The following MAML3 variants were observed in gnomAD, a reference collection of about 807,000 sequenced individuals.
MAML3 encodes mastermind-like protein 3.
MAML3 carries 27 observed loss-of-function variants against 101.9 expected under a neutral mutation model. The ratio of observed to expected loss-of-function variants is 0.27; its 90% CI spans 0.20 to 0.37. The LOEUF (loss-of-function observed/expected upper bound fraction) is 0.37. Among genes scored for constraint, MAML3 ranks in the 10% least tolerant of loss-of-function variants. MAML3 has a pLI of 1.00. For missense variants in MAML3, 1,316 were observed against 1,444.9 expected (o/e 0.91, Z 1.45); for synonymous variants, 501 against 555.9 (o/e 0.90, Z 1.39).
At position 139,767,027 on chromosome 4, in the gene MAML3, T is replaced by C. The variant is rs11930274; in HGVS notation, c.2080-36360A>G. On this transcript the variant is annotated intron_variant, in intron 2 of 4. Transcript: ENST00000509479. ...CACATAACAAGTATACACGTGACTA[T>C]TATTGTCCACTTTATTATTATGTCA... Among the ~76,000 whole-genome samples the C allele has an allele frequency of 7.8e-3, 1,186 of 152,356 alleles. 20 individuals are homozygous for C. Among genetic ancestry groups the C allele is most frequent in the African/African-American group, 0.027 (1,114 of 41,580 alleles).
intron 1 of MAML3, among the ~76,000 whole-genome samples, chr4:140,151,232 G>C (rs1266818573): frequency 6.6e-6 from 1 of 152,044 alleles, no homozygotes; most frequent in Non-Finnish European, 1.5e-5. Flanking sequence ...GGAGGAGGAA[G>C]AGGAGGAGGG....
intron 2 of MAML3, among the ~76,000 whole-genome samples, chr4:139,849,994 C>G (rs1731518472): frequency 6.6e-6 from 1 of 152,096 alleles, no homozygotes; most frequent in South Asian, 2.1e-4. Context: ...TGTTTCATGT[C>G]TTACATGAGA....
intron 3 of MAML3, among the ~76,000 whole-genome samples, chr4:139,727,314 A>G (rs1450792576): frequency 1.3e-5 from 2 of 152,206 alleles, no homozygotes; most frequent in Non-Finnish European, 2.9e-5. Flanking sequence ...GAAACCACAC[A>G]AATCTTTTAG....
chr4:139,836,105 A>C (rs1397900382), intron 2 of MAML3, among the ~76,000 whole-genome samples: 1 of 152,198 alleles, frequency 6.6e-6, no homozygotes, highest in African/African-American at 2.4e-5. Flanking sequence ...TCTAGGGCTG[A>C]AATGCCAGTA....
chr4:139,804,363 T>C (rs1730668492), intron 2 of MAML3, among the ~76,000 whole-genome samples: 1 of 151,258 alleles, frequency 6.6e-6, no homozygotes, highest in Admixed American at 6.6e-5. Context: ...GCCTCCCGGG[T>C]TCAAGCGATT....
chr4:140,103,963 T>C (rs1034804895), intron 1 of MAML3, among the ~76,000 whole-genome samples: 9 of 152,022 alleles, frequency 5.9e-5, no homozygotes, highest in African/African-American at 1.9e-4. Flanking sequence ...CCCCATCCTA[T>C]TGTTCAGGAA....
intron 2 of MAML3, among the ~76,000 whole-genome samples, chr4:139,754,215 T>C (rs1388923930): frequency 1.3e-5 from 2 of 152,226 alleles, no homozygotes; most frequent in Admixed American, 6.5e-5. Context: ...CAATTATGGG[T>C]GAGTTTTTAA....
intron 2 of MAML3, among the ~76,000 whole-genome samples, chr4:139,833,067 GTGAA>G (rs1235957683): frequency 1.3e-5 from 2 of 152,222 alleles, no homozygotes; most frequent in Non-Finnish European, 2.9e-5. Flanking sequence ...CTTTTCTGTT[GTGAA>G]TGACTACATC....
In MAML3 at chr4:140,153,376, C is replaced by T. The variant is rs762527810; in HGVS notation, c.-49G>A. ...TGGAAGAACTTTTTTTATCCACCCC[C>T]CTATCAGCCTCCTCCTTGGGTCCAA... On this transcript the variant is annotated 5_prime_UTR_variant, in exon 1 of 5. Coordinates refer to ENST00000509479, the MANE Select transcript of MAML3 (RefSeq NM_018717.5). 1 of 1,507,896 alleles carries T rather than the reference C, an allele frequency of 6.6e-7. No individual in the cohort carries two copies. Among genetic ancestry groups the T allele is most frequent in the Non-Finnish European group, 8.9e-7 (1 of 1,128,948 alleles). 93.4% of individuals were successfully genotyped at this position (1,507,896 alleles called of 1,614,324 possible).
chr4:140,012,524 G>T (rs187017171), intron 1 of MAML3, among the ~76,000 whole-genome samples: 47 of 152,286 alleles, frequency 3.1e-4, no homozygotes, highest in Non-Finnish European at 5.9e-4. Flanking sequence ...CTTCACACTT[G>T]TATTTCTAAA....
chr4:140,106,947 T>C (rs1350262549), intron 1 of MAML3, among the ~76,000 whole-genome samples: 1 of 152,226 alleles, frequency 6.6e-6, no homozygotes, highest in Non-Finnish European at 1.5e-5. Flanking sequence ...CTCGGCTCAC[T>C]GCAACCTCTG....
chr4:140,090,807 T>C (rs1290270132), intron 1 of MAML3, among the ~76,000 whole-genome samples: 2 of 152,148 alleles, frequency 1.3e-5, no homozygotes, highest in African/African-American at 2.4e-5. Context: ...TCCCAGCACT[T>C]TGGGAGGCTG....
intron 1 of MAML3, among the ~76,000 whole-genome samples, chr4:139,892,686 G>A (rs969618127): frequency 8.6e-5 from 13 of 151,740 alleles, no homozygotes; most frequent in African/African-American, 3.2e-4. Context: ...AGTCCAAATC[G>A]GGGCCGGGAG....
intron 2 of MAML3, among the ~76,000 whole-genome samples, chr4:139,845,556 G>T (rs935322133): frequency 6.6e-6 from 1 of 152,056 alleles, no homozygotes; most frequent in African/African-American, 2.4e-5. Context: ...GATCTCACAC[G>T]GTAAATGACA....
intron 1 of MAML3, among the ~76,000 whole-genome samples, chr4:139,942,731 C>T (rs1578609683): frequency 6.6e-6 from 1 of 150,886 alleles, no homozygotes; most frequent in South Asian, 2.1e-4. Flanking sequence ...AGGTATATTT[C>T]TTATGTGTAA....
At chr4:140,134,054 T>C (rs1349063302) in intron 1 of MAML3, 1 of 453,146 alleles carries the variant, frequency 2.2e-6, no homozygotes. Flanking sequence ...TCCAGGGAGG[T>C]TGTGACAGTT....
At chr4:140,004,332 T>C (rs1726400301) in intron 1 of MAML3, among the ~76,000 whole-genome samples, 1 of 152,170 alleles carries the variant, frequency 6.6e-6, no homozygotes, top group African/African-American at 2.4e-5. Flanking sequence ...CCCACTCCCC[T>C]AGCACCCAGT....
At chr4:140,087,630 TA>T (rs1727974766) in intron 1 of MAML3, among the ~76,000 whole-genome samples, 1 of 152,244 alleles carries the variant, frequency 6.6e-6, no homozygotes, top group Non-Finnish European at 1.5e-5. Context: ...AACTCACATT[TA>T]TTTTTTTAAA....
intron 1 of MAML3, among the ~76,000 whole-genome samples, chr4:139,932,271 AT>A (rs1448651405): frequency 3.3e-5 from 5 of 151,472 alleles, no homozygotes; most frequent in African/African-American, 1.2e-4. Context: ...ATATCTTGGA[AT>A]TTTTTTATGT....
Sources: allele counts gnomAD v4.1 joint callset (sites outside exome capture counted in the v4.1 genomes callset), GRCh38; gene constraint gnomAD v4.1.1; transcripts MANE v1.5; gene names NCBI Gene and HGNC (gene_info 2026-07-23, HGNC 2026-07-21).